Variants in DNAJC27 observed in about 807,000 individuals in gnomAD.
DNAJC27 encodes the protein DnaJ heat shock protein family (Hsp40) member C27, also known as dnaJ homolog subfamily C member 27.
In DNAJC27, 25 loss-of-function variants were observed where a neutral mutation model predicts 31.4. The observed-to-expected ratio is 0.80, with a 90% CI of 0.58 to 1.11. The LOEUF (loss-of-function observed/expected upper bound fraction) is 1.11, where lower values mean the gene tolerates loss of function less well. Among genes scored for constraint, DNAJC27 ranks in the 50% most tolerant of loss-of-function variants. The pLI, the probability that DNAJC27 is intolerant of heterozygous loss-of-function variation, is 0.00. For synonymous variants in DNAJC27, 106 were observed against 112.7 expected, an observed-to-expected ratio of 0.94 and a Z score of 0.37; for missense variants, 356 against 347.3, an observed-to-expected ratio of 1.02 and a Z score of -0.20.
chr2:24,951,658 A>G (rs1307448342), intron 5 of DNAJC27, 104 bp from the exon 6 acceptor site: 3 of 958,622 alleles, frequency 3.1e-6, no homozygotes, highest in East Asian at 5.4e-5. Flanking sequence ...AGCAACTCTT[A>G]GAAGTCATGT....
At position 24,955,370 on chromosome 2, in the gene DNAJC27, T is replaced by TA. The variant is rs796492836; in HGVS notation, c.528+1672dup. Among the ~76,000 whole-genome samples, 27 of 151,724 alleles carry TA rather than the reference T, an allele frequency of 1.8e-4. 1 individual carries two copies. Among genetic ancestry groups the TA allele is most frequent in the African/African-American group, 6.3e-4 (26 of 41,350 alleles). ...GAGACTATGCAATCTGAAAAATGCATAAAAAAATGGAAGAAAAATAAATAT... is the reference window on the plus strand; with the variant it reads ...GAGACTATGCAATCTGAAAAATGCATAAAAAAAATGGAAGAAAAATAAATAT... On this transcript the variant is annotated intron_variant, in intron 5 of 6. Coordinates refer to ENST00000264711, the MANE Select transcript of DNAJC27 (RefSeq NM_016544.3).
chr2:24,956,549 T>C (rs1294649582), intron 5 of DNAJC27, among the ~76,000 whole-genome samples: 1 of 152,224 alleles, frequency 6.6e-6, no homozygotes, highest in Non-Finnish European at 1.5e-5. Context: ...AGGATTATAC[T>C]AGCGGTGGCA....
In DNAJC27 at chr2:24,945,788, G is replaced by A. The variant is rs1340034288; in HGVS notation, c.*1828C>T. 1 of 152,200 alleles carries A rather than the reference G, an allele frequency of 6.6e-6. No individual in the cohort carries two copies. Among genetic ancestry groups the A allele is most frequent in the Non-Finnish European group, 1.5e-5 (1 of 68,040 alleles). The allele number at this position is 152,200 out of a possible 1,614,324, so 9.4% of individuals were successfully genotyped here. On this transcript the variant is annotated 3_prime_UTR_variant, in exon 7 of 7. Coordinates refer to ENST00000264711, the MANE Select transcript of DNAJC27 (RefSeq NM_016544.3). ...AAGTGCGATGATAAAGCAACGCTCT[G>A]GTTTCCTGAAGACAAGCTCAGTGCA...
chr2:24,955,900 A>G (rs1665893653), intron 5 of DNAJC27, among the ~76,000 whole-genome samples: 1 of 152,220 alleles, frequency 6.6e-6, no homozygotes, highest in Non-Finnish European at 1.5e-5. Flanking sequence ...TTGTTGCTGT[A>G]AGTCTCCATG....
At chr2:24,963,253 A>G (rs1666092910) in intron 3 of DNAJC27, 152 bp downstream of exon 3, 10 of 487,188 alleles carry the variant, frequency 2.1e-5, no homozygotes, top group Non-Finnish European at 3.3e-5. Context: ...ACAGTTGTCT[A>G]TTAACTCAAG....
At chr2:24,967,383 C>A in intron 1 of DNAJC27, 90 bp from the exon 2 acceptor site, 1 of 1,018,802 alleles carries the variant, frequency 9.8e-7, no homozygotes. Context: ...TTCCTCCATT[C>A]ATCACTATGA....
At chr2:24,948,229 A>G (rs1018477860) in intron 6 of DNAJC27, among the ~76,000 whole-genome samples, 1 of 152,214 alleles carries the variant, frequency 6.6e-6, no homozygotes, top group Non-Finnish European at 1.5e-5. Flanking sequence ...TCACAACAGT[A>G]GGTGTTTCAT....
Position 24,947,546 on chromosome 2 carries a change from G to A in DNAJC27, c.*70C>T, listed in dbSNP as rs1406115825. 1.1e-5 allele frequency: 17 copies of A among 1,522,680 alleles called. No individual in the cohort carries two copies. The highest frequency in any genetic ancestry group is 3.9e-5 in the Admixed American group (2 of 50,832). The allele number at this position is 1,522,680 out of a possible 1,614,324, so 94.3% of individuals were successfully genotyped here. The stretch of plus-strand genomic sequence containing the variant: ...GAGATTCTGGGAAGGAAAACTCCAC[G>A]TTGGTTATTTCACCTCTAGGGAAAG... On this transcript the variant is annotated 3_prime_UTR_variant, in exon 7 of 7. Transcript: ENST00000264711.
chr2:24,950,491 A>G (rs1423359701), intron 6 of DNAJC27, among the ~76,000 whole-genome samples: 1 of 152,254 alleles, frequency 6.6e-6, no homozygotes, highest in Non-Finnish European at 1.5e-5. Context: ...TACAAGCAAC[A>G]AAGAATAGTG....
At chr2:24,963,685 G>A (rs1444421519) in intron 2 of DNAJC27, among the ~76,000 whole-genome samples, 1 of 152,212 alleles carries the variant, frequency 6.6e-6, no homozygotes, top group Non-Finnish European at 1.5e-5. Context: ...CCCACATGGA[G>A]TAGGCATTCT....
intron 2 of DNAJC27, among the ~76,000 whole-genome samples, chr2:24,966,135 A>G (rs1666174373): frequency 6.6e-6 from 1 of 152,224 alleles, no homozygotes; most frequent in South Asian, 2.1e-4. Flanking sequence ...TTACGGGAAC[A>G]GGAGAATGTT....
chr2:24,948,536 C>T (rs899596629), intron 6 of DNAJC27, among the ~76,000 whole-genome samples: 6 of 152,130 alleles, frequency 3.9e-5, no homozygotes, highest in Non-Finnish European at 8.8e-5. Context: ...TCCAGAATGA[C>T]AATGAGCTCA....
Position 24,951,465 on chromosome 2 carries a change from T to C in DNAJC27, c.618A>G (p.Ala206=). Residue 206 remains alanine, a synonymous_variant, in exon 6 of 7, where the codon GCA becomes GCG. Coordinates refer to ENST00000264711, the MANE Select transcript of DNAJC27 (RefSeq NM_016544.3). The part of the protein sequence containing the change: ...NSSASFTKEQ[A]DAIRRIRNSK... ...TATTTCGAATTCTGCGAATGGCATC[T>C]GCTTGTTCTTTGGTGAAACTAGCAC... 6.2e-7 allele frequency: 1 copy of C among 1,613,958 alleles called. No individual in the cohort carries two copies. Among genetic ancestry groups the C allele is most frequent in the Non-Finnish European group, 8.5e-7 (1 of 1,179,910 alleles).
At chr2:24,971,548 CT>C in intron 1 of DNAJC27, 1 of 307,136 alleles carries the variant, frequency 3.3e-6, no homozygotes, top group East Asian at 5.5e-5. Context: ...GGACCCAGGC[CT>C]TCTTACTCTT....
intron 2 of DNAJC27, 95 bp downstream of exon 2, chr2:24,967,116 A>G (rs987756609): frequency 2.6e-5 from 23 of 897,080 alleles, no homozygotes; most frequent in Admixed American, 8.8e-5. Context: ...CCATTTCAAG[A>G]TTACCTACAC....
intron 5 of DNAJC27, among the ~76,000 whole-genome samples, chr2:24,956,066 T>C (rs188633598): frequency 2.0e-5 from 3 of 152,316 alleles, no homozygotes; most frequent in South Asian, 4.1e-4. Context: ...GATCTTGAAA[T>C]AGAAAATACT....
chr2:24,953,930 G>GA (rs1558551792), intron 5 of DNAJC27, among the ~76,000 whole-genome samples: 2 of 152,080 alleles, frequency 1.3e-5, no homozygotes, highest in Admixed American at 6.5e-5. Flanking sequence ...TATCGAACTG[G>GA]AAAAAAACTG....
Position 24,957,832 on chromosome 2 carries a change from A to G in DNAJC27, c.383T>C (p.Ile128Thr), listed in dbSNP as rs1268268366. The G allele has an allele frequency of 2.5e-6, 4 of 1,614,044 alleles. No individual in the cohort carries two copies. Among genetic ancestry groups the G allele is most frequent in the Admixed American group, 1.7e-5 (1 of 60,004 alleles). Residue 128 changes from isoleucine to threonine, a missense_variant, in exon 4 of 7, where the codon ATA becomes ACA. Transcript: ENST00000264711. The stretch of plus-strand genomic sequence containing the variant: ...TACCTTGTTGGCACAAACTACAAAT[A>G]TAATATTTTCCATGTTTCCATGAGG... The part of the protein sequence containing the change: ...LGPHGNMENI[I>T]FVVCANKIDC...
At chr2:24,949,800 A>G (rs1665724601) in intron 6 of DNAJC27, among the ~76,000 whole-genome samples, 1 of 152,190 alleles carries the variant, frequency 6.6e-6, no homozygotes, top group African/African-American at 2.4e-5. Flanking sequence ...AGATAAAGTA[A>G]TTGTTTCTTA....
Sources: allele counts gnomAD v4.1 joint callset (sites outside exome capture counted in the v4.1 genomes callset), GRCh38; gene constraint gnomAD v4.1.1; transcripts MANE v1.5; gene names NCBI Gene and HGNC (gene_info 2026-07-23, HGNC 2026-07-21).